Variants in INPP4B observed in about 807,000 individuals in gnomAD.
INPP4B encodes inositol polyphosphate 4-phosphatase type II.
In INPP4B, 55 loss-of-function variants were observed where a neutral mutation model predicts 122.5. The observed-to-expected ratio is 0.45, with a 90% CI of 0.36 to 0.56. The LOEUF (loss-of-function observed/expected upper bound fraction) is 0.56. Ranked by LOEUF, INPP4B falls within the 20% of genes least tolerant of loss-of-function variation. INPP4B has a pLI of 0.00. For synonymous variants in INPP4B, 403 were observed against 388.7 expected (o/e 1.04, Z -0.43); for missense variants, 1,000 against 1,097.7 (o/e 0.91, Z 1.26).
chr4:142,543,165 A>T (rs779323483), intron 2 of INPP4B, among the ~76,000 whole-genome samples: 7 of 152,186 alleles, frequency 4.6e-5, no homozygotes, highest in Non-Finnish European at 1.0e-4. Context: ...ATATTCTTAC[A>T]TTTAAATGTA....
intron 1 of INPP4B, among the ~76,000 whole-genome samples, chr4:142,736,904 T>C (rs1767004102): frequency 6.6e-6 from 1 of 152,190 alleles, no homozygotes; most frequent in African/African-American, 2.4e-5. Flanking sequence ...CTTCCAGTTT[T>C]TGCCCATTCA....
At chr4:142,776,054 A>C (rs1321639661) in intron 1 of INPP4B, among the ~76,000 whole-genome samples, 1 of 152,150 alleles carries the variant, frequency 6.6e-6, no homozygotes, top group African/African-American at 2.4e-5. Context: ...TAGCGCTGAT[A>C]TGTGCTTCTC....
rs1485600454 is a variant in INPP4B at position 142,167,643 on chromosome 4, A to C, written c.1359+5989T>G. ...AACATACATGTGTTGGTTTATTTCT[A>C]GATTCTCTATTCTAGTCCACTGAAC... On this transcript the variant is annotated intron_variant, in intron 16 of 25. Coordinates refer to ENST00000262992, the MANE Select transcript of INPP4B (RefSeq NM_001101669.3). Among the ~76,000 whole-genome samples the C allele has an allele frequency of 5.3e-5, 8 of 151,802 alleles. No homozygotes were observed. The East Asian group carries it at 9.7e-4, about 18-fold the overall frequency.
At chr4:142,605,646 G>A (rs897718436) in intron 2 of INPP4B, among the ~76,000 whole-genome samples, 4 of 151,332 alleles carry the variant, frequency 2.6e-5, no homozygotes, top group Non-Finnish European at 4.4e-5. Flanking sequence ...CAAAAAAAAA[G>A]GGGGCATATG....
chr4:142,842,932 C>A, intron 1 of INPP4B, among the ~76,000 whole-genome samples: 1 of 135,472 alleles, frequency 7.4e-6, no homozygotes, highest in Non-Finnish European at 1.5e-5. Flanking sequence ...ATATAATATA[C>A]TGGATATATA....
At chr4:142,069,767 T>A (rs976945715) in intron 25 of INPP4B, among the ~76,000 whole-genome samples, 4 of 152,056 alleles carry the variant, frequency 2.6e-5, no homozygotes, top group African/African-American at 7.2e-5. Flanking sequence ...ACATTCACCA[T>A]CCCAAGACTA....
chr4:142,125,602 AT>A (rs1798310073), intron 18 of INPP4B, among the ~76,000 whole-genome samples: 1 of 152,016 alleles, frequency 6.6e-6, no homozygotes. Flanking sequence ...TTCCTGACAA[AT>A]GCTTTATCTC....
chr4:142,368,115 TATAAA>T (rs1252423687), intron 7 of INPP4B, among the ~76,000 whole-genome samples: 1 of 152,150 alleles, frequency 6.6e-6, no homozygotes, highest in Non-Finnish European at 1.5e-5. Context: ...AATTTACAAA[TATAAA>T]ATAACTCATT....
chr4:142,821,863 G>A (rs1013718482), intron 1 of INPP4B, among the ~76,000 whole-genome samples: 1 of 152,116 alleles, frequency 6.6e-6, no homozygotes, highest in Admixed American at 6.6e-5. Context: ...TCACATCAAA[G>A]AAGAAGTGAG....
At chr4:142,275,343 A>C (rs1331338297) in intron 9 of INPP4B, among the ~76,000 whole-genome samples, 1 of 151,912 alleles carries the variant, frequency 6.6e-6, no homozygotes, top group Non-Finnish European at 1.5e-5. Flanking sequence ...CAAACCAAAA[A>C]ATGACTCTGT....
intron 2 of INPP4B, among the ~76,000 whole-genome samples, chr4:142,569,399 T>G (rs202022648): frequency 6.6e-6 from 1 of 151,986 alleles, no homozygotes; most frequent in African/African-American, 2.4e-5. Context: ...CAGCCAACCA[T>G]GTAGTGCTAA....
intron 25 of INPP4B, among the ~76,000 whole-genome samples, chr4:142,078,902 A>T (rs1015323280): frequency 1.3e-5 from 2 of 152,036 alleles, no homozygotes; most frequent in African/African-American, 4.8e-5. Flanking sequence ...AATAAAATTA[A>T]AAGTTGCAGT....
chr4:142,728,406 G>T (rs2150869802), intron 1 of INPP4B, among the ~76,000 whole-genome samples: 1 of 152,202 alleles, frequency 6.6e-6, no homozygotes, highest in South Asian at 2.1e-4. Context: ...ATCTGTTGTG[G>T]GTTAAATTAT....
At chr4:142,034,285 G>T (rs1472370704) in intron 25 of INPP4B, among the ~76,000 whole-genome samples, 11 of 152,052 alleles carry the variant, frequency 7.2e-5, no homozygotes, top group Non-Finnish European at 1.6e-4. Flanking sequence ...CTATAGGAGT[G>T]GGGGTACTGC....
chr4:142,237,374 T>A (rs1857122853), intron 12 of INPP4B, among the ~76,000 whole-genome samples: 1 of 152,134 alleles, frequency 6.6e-6, no homozygotes, highest in Non-Finnish European at 1.5e-5. Flanking sequence ...AAGTAATATA[T>A]GTAATGTTAA....
intron 23 of INPP4B, among the ~76,000 whole-genome samples, chr4:142,093,044 T>C (rs1200746046): frequency 6.6e-6 from 1 of 152,158 alleles, no homozygotes; most frequent in East Asian, 1.9e-4. Flanking sequence ...CTGAATTGAT[T>C]ATGCCTCTCC....
chr4:142,757,615 T>C (rs1770691230), intron 1 of INPP4B, among the ~76,000 whole-genome samples: 1 of 152,198 alleles, frequency 6.6e-6, no homozygotes, highest in Non-Finnish European at 1.5e-5. Flanking sequence ...ACTTGATAGC[T>C]CATTTCTTCT....
chr4:142,210,581 G>A (rs1249634154), intron 12 of INPP4B, among the ~76,000 whole-genome samples: 1 of 152,130 alleles, frequency 6.6e-6, no homozygotes, highest in Non-Finnish European at 1.5e-5. Flanking sequence ...AAGCAAACAA[G>A]TAATTCCAAA....
At chr4:142,559,911 GT>G (rs1472408290) in intron 2 of INPP4B, among the ~76,000 whole-genome samples, 2 of 151,892 alleles carry the variant, frequency 1.3e-5, no homozygotes, top group African/African-American at 4.8e-5. Context: ...TCATGAAATA[GT>G]TTTTATACAC....
Sources: gnomAD v4.1 joint callset for allele counts (sites outside exome capture counted in the v4.1 genomes callset) on GRCh38, gnomAD v4.1.1 for gene constraint, MANE v1.5 for transcripts, NCBI Gene and HGNC (gene_info 2026-07-23, HGNC 2026-07-21) for gene names.